DNHD1: variants seen among roughly 807,000 people sequenced by gnomAD.
DNHD1 encodes the protein dynein heavy chain domain-containing protein 1.
Under a neutral mutation model 458.1 loss-of-function variants are expected in DNHD1, and 383 were observed. The ratio of observed to expected loss-of-function variants is 0.84; its 90% confidence interval spans 0.77 to 0.91. DNHD1 has a LOEUF of 0.91. Among genes scored for constraint, DNHD1 ranks in the 40% least tolerant of loss-of-function variants. The pLI is 0.00. For missense variants in DNHD1, 5,336 were observed against 5,866.1 expected (o/e 0.91, Z 2.95); for synonymous variants, 2,203 against 2,376.9 (o/e 0.93, Z 2.13).
chr11:6,522,537 G>GAAATAATCTGTACA (rs1179513202), intron 10 of DNHD1, among the ~76,000 whole-genome samples: 1 of 152,084 alleles, frequency 6.6e-6, no homozygotes, highest in Non-Finnish European at 1.5e-5. Context: ...GTACCGTGAT[G>GAAATAATCTGTACA]AAATAATCTG....
rs1409666810 is a variant in DNHD1 at position 6,546,510 on chromosome 11, ATTC to A, written c.5576_5578del (p.Phe1859del). The A allele has an allele frequency of 3.2e-6, 5 of 1,551,160 alleles. No individual in the cohort carries two copies. The highest frequency in any genetic ancestry group is 4.9e-5 in the East Asian group (2 of 40,906). On this transcript the variant is annotated inframe_deletion, in exon 21 of 43. Transcript: ENST00000254579. ...TCCAGATGGCTACCCGCCTATCCAA[ATTC>A]TTCTCTCTAGAGCGTGAGCTGGTGT...
chr11:6,566,737 A>C lies in DNHD1; in HGVS notation c.11357A>C (p.Asp3786Ala). 1 of 1,611,474 alleles carries C rather than the reference A, an allele frequency of 6.2e-7. No homozygotes were observed. Among genetic ancestry groups the C allele is most frequent in the Non-Finnish European group, 8.5e-7 (1 of 1,178,798 alleles). Residue 3786 changes from aspartate (D) to alanine (A), a missense_variant, in exon 35 of 43, where the codon GAT becomes GCT. By Grantham distance (126) the Asp-to-Ala change is moderately radical (BLOSUM62 -2). This residue lies in a region of DNHD1 where 695 missense variants were observed against 804.2 expected (regional missense o/e 0.86). Coordinates refer to ENST00000254579, the MANE Select transcript of DNHD1 (RefSeq NM_144666.3). ...RWQDLKIRAL[D>A]TCKAVEAAEE... ...CAGGACCTAAAGATCAGAGCCCTAG[A>C]TACCTGCAAGGCTGTGGAGGCTGCT...
rs10839577 is a variant in DNHD1 at position 6,540,040 on chromosome 11, A to G, written c.3585A>G (p.Gln1195=). Residue 1195 remains glutamine (Q), a synonymous_variant, in exon 18 of 43, where the codon CAA becomes CAG. Transcript: ENST00000254579. ...AGAGGCAGGTGCTCCGCAGCCCCCAATGGGAGGTAGTGGACAAAGATAGTG... is the reference window on the plus strand; with the variant it reads ...AGAGGCAGGTGCTCCGCAGCCCCCAGTGGGAGGTAGTGGACAAAGATAGTG... The part of the protein sequence containing the change: ...RSKRQVLRSP[Q]WEVVDKDSGT... 504,885 of 1,551,440 alleles carry G rather than the reference A, an allele frequency of 0.33. 84,518 individuals carry two copies. Among genetic ancestry groups the G allele is most frequent in the Non-Finnish European group, 0.35 (396,234 of 1,146,838 alleles).
At position 6,560,738 on chromosome 11, in the gene DNHD1, C is replaced by T. The variant is rs542561031; in HGVS notation, c.9519+1455C>T. Among the ~76,000 whole-genome samples the T allele has an allele frequency of 2.0e-5, 3 of 152,286 alleles. No individual in the cohort carries two copies. In the South Asian group the frequency reaches 6.2e-4, roughly 32 times the overall value. On this transcript the variant is annotated intron_variant, in intron 28 of 42. Transcript: ENST00000254579. ...AGTGTGTACTTCTTCCAGTGTTCCCCACCCCAAGAAAAGGCATTACCACCC... is the reference window on the plus strand; with the variant it reads ...AGTGTGTACTTCTTCCAGTGTTCCCTACCCCAAGAAAAGGCATTACCACCC...
At position 6,508,884 on chromosome 11, in the gene DNHD1, T is replaced by C; in HGVS notation, c.925T>C (p.Tyr309His). 6.2e-7 allele frequency: 1 copy of C among 1,614,108 alleles called. No homozygotes were observed. The highest frequency in any genetic ancestry group is 8.5e-7 in the Non-Finnish European group (1 of 1,180,032). Residue 309 changes from tyrosine (Y) to histidine (H), a missense_variant, in exon 5 of 43, where the codon TAC becomes CAC. By Grantham distance (83) the Tyr-to-His change is moderately conservative. Transcript: ENST00000254579. ...ATCAGAGCTCTTTTTTTAAAGGCCT[T>C]ACAGCCTGATGGTGGTGCCACCCGA... ...NVAPSRYFRPYSLMVVPPDKV... is the reference protein window; with the variant it reads ...NVAPSRYFRPHSLMVVPPDKV...
chr11:6,540,807 ATT>A (rs538285892), intron 18 of DNHD1, among the ~76,000 whole-genome samples: 102 of 152,314 alleles, frequency 6.7e-4, no homozygotes, highest in African/African-American at 2.4e-3. Flanking sequence ...ATAGAGGAGA[ATT>A]TTCTTATTCA....
Position 6,498,741 on chromosome 11 carries a change from C to G in DNHD1, c.526C>G (p.Gln176Glu), listed in dbSNP as rs1245607626. The part of the protein sequence containing the change: ...PFVQAQWSRQ[Q>E]VKEELATWLR... ...TGTGCAGGCCCAGTGGAGCAGGCAG[C>G]AAGTAAAGGAGGAGCTGGCCACCTG... The change falls in exon 3 of 43, where the codon CAA (glutamine) becomes GAA (glutamate). Residue 176 changes from glutamine (Q) to glutamate (E), a missense_variant. Gln to Glu is a conservative substitution (Grantham distance 29, BLOSUM62 2). Coordinates refer to ENST00000254579, the MANE Select transcript of DNHD1 (RefSeq NM_144666.3). The G allele has an allele frequency of 3.7e-6, 6 of 1,614,052 alleles. No homozygotes were observed. The African/African-American group carries it at 8.0e-5, about 22-fold the overall frequency.
In DNHD1 at chr11:6,566,244, T is replaced by C; in HGVS notation, c.11057T>C (p.Leu3686Pro). Residue 3686 changes from leucine (L) to proline (P), a missense_variant, in exon 34 of 43, where the codon CTG becomes CCG. Leu to Pro is a moderately conservative substitution (Grantham distance 98, BLOSUM62 -3). Around this residue, in one of 4 missense-constraint regions of DNHD1, gnomAD observed 695 missense variants for 804.2 expected, o/e 0.86. Coordinates refer to ENST00000254579, the MANE Select transcript of DNHD1 (RefSeq NM_144666.3). ...TGCCTTTGCCTCCCTCTCACAGGCC[T>C]GCCTGTGTTACTGACCAATGTGGAG... ...SQLQEAAACG[L>P]PVLLTNVELG... The C allele has an allele frequency of 6.4e-7, 1 of 1,551,510 alleles. No individual in the cohort carries two copies. Among genetic ancestry groups the C allele is most frequent in the Non-Finnish European group, 8.7e-7 (1 of 1,146,884 alleles).
At position 6,520,013 on chromosome 11, in the gene DNHD1, C is replaced by A. The variant is rs770103720; in HGVS notation, c.1696C>A (p.His566Asn). 24 of 1,614,024 alleles carry A rather than the reference C, an allele frequency of 1.5e-5. No homozygotes were observed. Among genetic ancestry groups the A allele is most frequent in the Non-Finnish European group, 1.9e-5 (23 of 1,180,040 alleles). ...CTCATCACAGCTGGTCTTTGATGAT[C>A]ATGGTCAACTGTCTCATGTGCCCTG... ...FLSSQLVFDD[H>N]GQLSHVPCVE... is the part of the protein sequence containing the mutation. Residue 566 changes from histidine (H) to asparagine (N), a missense_variant, in exon 9 of 43, where the codon CAT (histidine) becomes AAT (asparagine). Physicochemically the swap from His to Asn is moderately conservative, Grantham distance 68. Coordinates refer to ENST00000254579, the MANE Select transcript of DNHD1 (RefSeq NM_144666.3).
Position 6,563,728 on chromosome 11 carries a change from C to T in DNHD1, c.9888C>T (p.Asp3296=), listed in dbSNP as rs376159561. 7.1e-6 allele frequency: 11 copies of T among 1,548,978 alleles called. No homozygotes were observed. The highest frequency in any genetic ancestry group is 1.7e-4 in the Middle Eastern group (1 of 6,010). The part of the protein sequence containing the change: ...LVFFPKEKIT[D]SELIKLHLIL... Reference sequence around the variant, plus strand: ...TCTTCCCCAAGGAGAAGATAACAGACTCAGAGCTGATAAAGTTACATCTAA... The same window carrying T: ...TCTTCCCCAAGGAGAAGATAACAGATTCAGAGCTGATAAAGTTACATCTAA... Residue 3296 remains aspartate, a synonymous_variant, in exon 31 of 43, where the codon GAC becomes GAT. Transcript: ENST00000254579.
intron 16 of DNHD1, 58 bp downstream of exon 16, chr11:6,538,868 G>A: frequency 1.4e-6 from 2 of 1,406,934 alleles, no homozygotes; most frequent in Non-Finnish European, 1.9e-6. Flanking sequence ...TTAGAGCGAT[G>A]CAGCAACTCA....
In DNHD1 at chr11:6,538,603, T is replaced by C. The variant is rs1458862377; in HGVS notation, c.3127-9T>C. 10 of 1,546,910 alleles carry C rather than the reference T, an allele frequency of 6.5e-6. No homozygotes were observed. The African/African-American group carries it at 1.4e-4, about 21-fold the overall frequency. ...GTCTCAAGCTGACAGTGAGCCCTTC[T>C]CCCTGCAGTTCAGCCCAGCTATGGC... On this transcript the variant is annotated splice_polypyrimidine_tract_variant and intron_variant, in intron 15 of 42. Coordinates refer to ENST00000254579, the MANE Select transcript of DNHD1 (RefSeq NM_144666.3).
chr11:6,508,361 T>G (rs963021404), intron 4 of DNHD1: 4 of 153,126 alleles, frequency 2.6e-5, no homozygotes, highest in Non-Finnish European at 5.8e-5. Flanking sequence ...TTTTCTAGTC[T>G]TCCTCTGCTT....
Position 6,556,853 on chromosome 11 carries a change from C to T in DNHD1, c.7558C>T (p.Arg2520Ter), listed in dbSNP as rs1400732611. ...CERPLCPRLFRLFTVLALESM... is the reference protein window; with the variant it reads ...CERPLCPRLF ...GCGCCCACTGTGTCCACGCCTCTTT[C>T]GACTCTTCACAGTCCTGGCCCTGGA... Residue 2520 changes from arginine (R) to a stop codon, truncating the protein, a stop_gained, in exon 25 of 43, where the codon CGA (arginine) becomes TGA (stop). Coordinates refer to ENST00000254579, the MANE Select transcript of DNHD1 (RefSeq NM_144666.3). LOFTEE classifies it high-confidence loss of function. The T allele has an allele frequency of 3.2e-6, 5 of 1,551,664 alleles. No individual in the cohort carries two copies. Among genetic ancestry groups the T allele is most frequent in the Admixed American group, 2.0e-5 (1 of 51,006 alleles).
In DNHD1 at chr11:6,502,960, C is replaced by G. The variant is rs377705893; in HGVS notation, c.920+34C>G. ...CTATGTCCAGGCCCCTTCTCCTCCC[C>G]CTGCCTGGTTTCCTTCTATGCTATC... On this transcript the variant is annotated intron_variant, in intron 4 of 42. Coordinates refer to ENST00000254579, the MANE Select transcript of DNHD1 (RefSeq NM_144666.3). The G allele has an allele frequency of 1.2e-4, 199 of 1,604,438 alleles. 1 individual carries two copies. The highest frequency in any genetic ancestry group is 1.0e-3 in the African/African-American group (77 of 74,464).
intron 39 of DNHD1, among the ~76,000 whole-genome samples, chr11:6,569,442 C>G (rs2134465406): frequency 6.6e-6 from 1 of 151,792 alleles, no homozygotes; most frequent in Non-Finnish European, 1.5e-5. Context: ...GAGATTGCAC[C>G]ACTGCACTCC....
chr11:6,516,478 A>G (rs1273633812), intron 7 of DNHD1, among the ~76,000 whole-genome samples: 1 of 151,130 alleles, frequency 6.6e-6, no homozygotes, highest in Admixed American at 6.6e-5. Context: ...TTGTATTTTT[A>G]GTAGACATAG....
intron 7 of DNHD1, among the ~76,000 whole-genome samples, chr11:6,514,083 T>G (rs1489933079): frequency 6.6e-6 from 1 of 152,060 alleles, no homozygotes; most frequent in African/African-American, 2.4e-5. Flanking sequence ...CCTGACCTCA[T>G]GATCCACCTG....
intron 10 of DNHD1, among the ~76,000 whole-genome samples, chr11:6,523,447 T>C (rs1324648852): frequency 1.3e-5 from 2 of 152,070 alleles, no homozygotes; most frequent in African/African-American, 4.8e-5. Flanking sequence ...CTTGGAGGTA[T>C]GAGGAGTCAT....
Sources: allele counts gnomAD v4.1 joint callset (sites outside exome capture counted in the v4.1 genomes callset), GRCh38; gene constraint gnomAD v4.1.1; regional missense constraint gnomAD v4.1.1; transcripts MANE v1.5; gene names NCBI Gene and HGNC (gene_info 2026-07-23, HGNC 2026-07-21).